Variants in FAM13B observed in about 807,000 individuals in gnomAD.
FAM13B encodes the protein protein FAM13B.
A neutral mutation model predicts 117.3 loss-of-function variants in FAM13B; 60 were observed. That is an observed-to-expected ratio of 0.51 (90% CI 0.42 to 0.63). FAM13B has a LOEUF of 0.63. Among genes scored for constraint, FAM13B ranks in the 30% least tolerant of loss-of-function variants. The probability of loss-of-function intolerance (pLI) is 0.00; values close to 1 mark genes in which losing one functional copy is unlikely to be tolerated. For missense variants in FAM13B, 972 were observed against 1,091.9 expected, an observed-to-expected ratio of 0.89 and a Z score of 1.55; for synonymous variants, 332 against 356.1, an observed-to-expected ratio of 0.93 and a Z score of 0.76.
At position 137,967,510 on chromosome 5, in the gene FAM13B, G is replaced by A. The variant is rs374590685; in HGVS notation, c.1180-5041C>T. On this transcript the variant is annotated intron_variant, in intron 10 of 23. Coordinates refer to ENST00000689681, the MANE Select transcript of FAM13B (RefSeq NM_001385994.1). Reference sequence around the variant, plus strand: ...TGCACTTCAACCTGGGAGACAAACCGAGACTCTGTCTCAAAAAAAAAATGT... The same window carrying A: ...TGCACTTCAACCTGGGAGACAAACCAAGACTCTGTCTCAAAAAAAAAATGT... 9.3e-5 allele frequency among the ~76,000 whole-genome samples: 14 copies of A among 150,984 alleles called. No individual in the cohort carries two copies. The East Asian group carries it at 1.5e-3, about 17-fold the overall frequency.
At chr5:137,947,187 ATC>A (rs1763660860) in intron 18 of FAM13B, among the ~76,000 whole-genome samples, 1 of 152,360 alleles carries the variant, frequency 6.6e-6, no homozygotes, top group South Asian at 2.1e-4. Flanking sequence ...AGACCAAATA[ATC>A]TCTCTACTTA....
intron 6 of FAM13B, among the ~76,000 whole-genome samples, chr5:138,009,376 T>C (rs866950868): frequency 1.3e-5 from 2 of 152,110 alleles, no homozygotes; most frequent in African/African-American, 4.8e-5. Flanking sequence ...GGTTTTAAAG[T>C]AGATCTAATG....
chr5:138,032,110 C>T (rs1271559149), intron 1 of FAM13B, among the ~76,000 whole-genome samples: 1 of 152,186 alleles, frequency 6.6e-6, no homozygotes, highest in African/African-American at 2.4e-5. Flanking sequence ...ACAAAAAGGG[C>T]TTAACAGTTT....
Position 137,959,634 on chromosome 5 carries a change from C to G in FAM13B, c.1423G>C (p.Asp475His). 6.2e-7 allele frequency: 1 copy of G among 1,613,880 alleles called. No individual in the cohort carries two copies. The highest frequency in any genetic ancestry group is 8.5e-7 in the Non-Finnish European group (1 of 1,179,810). Residue 475 changes from aspartate to histidine, a missense_variant, in exon 13 of 24, where the codon GAT becomes CAT. Transcript: ENST00000689681. ...IPHLDLKNVS[D>H]GDKWEASCPI... ...AAATTACCTTCCCATTTATCACCAT[C>G]AGAAACATTCTTCAGATCTAAATGT... is the stretch of plus-strand genomic sequence containing the variant.
intron 1 of FAM13B, among the ~76,000 whole-genome samples, chr5:138,024,629 A>C (rs1262458360): frequency 1.3e-5 from 2 of 152,016 alleles, no homozygotes; most frequent in Non-Finnish European, 2.9e-5. Context: ...CCGTACAAAA[A>C]TATACCAAAA....
intron 1 of FAM13B, among the ~76,000 whole-genome samples, chr5:138,050,310 G>A (rs896328651): frequency 3.3e-5 from 5 of 152,116 alleles, no homozygotes; most frequent in African/African-American, 9.7e-5. Flanking sequence ...GGTGATGCAC[G>A]CCTGTAATCC....
chr5:137,983,213 A>AAAAAAAAAAAAAAAAAAAAAC lies in FAM13B; in HGVS notation c.1179+2043_1179+2044insGTTTTTTTTTTTTTTTTTTTT, dbSNP rs1561492748. 2.5e-4 allele frequency among the ~76,000 whole-genome samples: 23 copies of AAAAAAAAAAAAAAAAAAAAAC among 93,716 alleles called. 1 individual carries two copies. Among genetic ancestry groups the AAAAAAAAAAAAAAAAAAAAAC allele is most frequent in the Non-Finnish European group, 3.6e-4 (16 of 43,938 alleles). 61.5% of individuals were successfully genotyped at this position (93,716 alleles called of 152,430 possible). A position where few individuals can be genotyped will look rare whatever the true frequency, so the allele number is the denominator to read the frequency against. ...AAAAAAAAAAAAAAAAAAAAAAAAA[A>AAAAAAAAAAAAAAAAAAAAAC]AACCGAGTGAGATATCCTGAATGCC... On this transcript the variant is annotated intron_variant, in intron 10 of 23. Transcript: ENST00000689681.
chr5:137,946,657 A>G lies in FAM13B; in HGVS notation c.2161-346T>C, dbSNP rs765696088. The stretch of plus-strand genomic sequence containing the variant: ...ACTTCGTTCTACCTTAAAGGGCTCT[A>G]AAGAGGACTATTTATGAGTTCTATG... On this transcript the variant is annotated intron_variant, in intron 18 of 23. Coordinates refer to ENST00000689681, the MANE Select transcript of FAM13B (RefSeq NM_001385994.1). Among the ~76,000 whole-genome samples the G allele has an allele frequency of 3.3e-4, 51 of 152,350 alleles. 1 individual carries two copies. The highest frequency in any genetic ancestry group is 6.8e-3 in the Middle Eastern group (2 of 294).
chr5:138,014,777 T>G (rs1389172886), intron 4 of FAM13B, among the ~76,000 whole-genome samples: 1 of 152,206 alleles, frequency 6.6e-6, no homozygotes, highest in African/African-American at 2.4e-5. Context: ...TGGCTACATT[T>G]CCTCTACACA....
At chr5:137,964,715 C>T (rs976915835) in intron 10 of FAM13B, among the ~76,000 whole-genome samples, 9 of 150,844 alleles carry the variant, frequency 6.0e-5, no homozygotes, top group Admixed American at 2.0e-4. Flanking sequence ...TACAAGACTC[C>T]GTCACAAACA....
Position 138,010,983 on chromosome 5 carries a change from ATCCCTCC to A in FAM13B, c.690+18_690+24del. On this transcript the variant is annotated intron_variant, in intron 6 of 23. Transcript: ENST00000689681. ...AAAAAAAAAAAAAAAAAAAAAAATTATCCCTCCAAATAGAATATTCTCACCTGTTCAG... is the reference window on the plus strand; with the variant it reads ...AAAAAAAAAAAAAAAAAAAAAAATTAAAATAGAATATTCTCACCTGTTCAG... 1.5e-6 allele frequency: 2 copies of A among 1,303,854 alleles called. No homozygotes were observed. The highest frequency in any genetic ancestry group is 2.8e-5 in the East Asian group (1 of 35,600). 80.8% of individuals were successfully genotyped at this position (1,303,854 alleles called of 1,614,324 possible).
At position 138,018,396 on chromosome 5, in the gene FAM13B, G is replaced by A; in HGVS notation, c.276C>T (p.Pro92=). 1.2e-6 allele frequency: 2 copies of A among 1,614,072 alleles called. No homozygotes were observed. Among genetic ancestry groups the A allele is most frequent in the Non-Finnish European group, 8.5e-7 (1 of 1,179,928 alleles). ...EVDLVKEADV[P]SAISLLRFFL... is the part of the protein sequence containing the mutation. ...AAAATCTAAGAAGGCTAATAGCTGA[G>A]GGAACATCTGCTTCCTTAACCAAAT... The change falls in exon 4 of 24, where the codon CCC becomes CCT. Residue 92 remains proline (P), a synonymous_variant. Coordinates refer to ENST00000689681, the MANE Select transcript of FAM13B (RefSeq NM_001385994.1).
chr5:137,992,776 C>G (rs1359971601), intron 7 of FAM13B, among the ~76,000 whole-genome samples: 1 of 152,146 alleles, frequency 6.6e-6, no homozygotes, highest in Non-Finnish European at 1.5e-5. Flanking sequence ...CTGTCACACA[C>G]TGTTAGTAGG....
At chr5:138,022,854 G>T (rs1448115296) in intron 1 of FAM13B, among the ~76,000 whole-genome samples, 3 of 150,790 alleles carry the variant, frequency 2.0e-5, no homozygotes, top group Admixed American at 1.3e-4. Flanking sequence ...TTCGAGACAG[G>T]GTCTCACTCT....
At chr5:137,972,487 A>AC (rs1235190658) in intron 10 of FAM13B, among the ~76,000 whole-genome samples, 5 of 150,888 alleles carry the variant, frequency 3.3e-5, no homozygotes, top group Admixed American at 1.3e-4. Flanking sequence ...TCTATGACAA[A>AC]CCCACAGCCA....
upstream of FAM13B, chr5:138,033,117 AG>A (rs1488531642): frequency 1.4e-4 from 11 of 78,674 alleles, no homozygotes; most frequent in East Asian, 5.8e-4. Context: ...CGTGCGTGGG[AG>A]GGGGCGGGGC....
chr5:138,034,306 C>CT (rs1230740041), upstream of FAM13B, among the ~76,000 whole-genome samples: 2 of 152,216 alleles, frequency 1.3e-5, no homozygotes, highest in African/African-American at 4.8e-5. Flanking sequence ...TGAATGCTTA[C>CT]TATGTTCTAG....
chr5:137,952,712 GA>G lies in FAM13B; in HGVS notation c.1849-4del. 8 of 1,577,910 alleles carry G rather than the reference GA, an allele frequency of 5.1e-6. No individual in the cohort carries two copies. The highest frequency in any genetic ancestry group is 1.7e-5 in the Admixed American group (1 of 57,330). On this transcript the variant is annotated splice_region_variant and splice_polypyrimidine_tract_variant and intron_variant, in intron 16 of 23. Transcript: ENST00000689681. ...GCAGCAATATCACTGTAGGAGGGCT[GA>G]AAAATTATGGAGCAGAATCACTGAC... is the stretch of plus-strand genomic sequence containing the variant.
chr5:137,966,488 T>TAGAGAG (rs57142324), intron 10 of FAM13B, among the ~76,000 whole-genome samples: 356 of 29,450 alleles, frequency 0.012, 10 homozygotes, highest in South Asian at 0.017. Flanking sequence ...TATATATATA[T>TAGAGAG]AGAGAGAGAG....
Sources: gnomAD v4.1 joint callset for allele counts (sites outside exome capture counted in the v4.1 genomes callset) on GRCh38, gnomAD v4.1.1 for gene constraint, MANE v1.5 for transcripts, NCBI Gene and HGNC (gene_info 2026-07-23, HGNC 2026-07-21) for gene names.